CAPZB: variants seen among roughly 807,000 people sequenced by gnomAD.
CAPZB encodes the protein capping actin protein of muscle Z-line subunit beta.
CAPZB carries 2 observed loss-of-function variants against 38.1 expected under a neutral mutation model. The observed-to-expected ratio is 0.05, with a 90% CI of 0.02 to 0.17. The LOEUF is 0.17. Ranked by LOEUF, CAPZB falls within the 10% of genes least tolerant of loss-of-function variation. The probability of loss-of-function intolerance (pLI) is 1.00; values close to 1 mark genes in which losing one functional copy is unlikely to be tolerated. For synonymous variants in CAPZB, 107 were observed against 127.4 expected (o/e 0.84, Z 1.08); for missense variants, 161 against 334.2 (o/e 0.48, Z 4.04).
chr1:19,481,655 C>T (rs1455624189), intron 1 of CAPZB, among the ~76,000 whole-genome samples: 2 of 152,188 alleles, frequency 1.3e-5, no homozygotes, highest in African/African-American at 2.4e-5. Context: ...CATTTCGGGG[C>T]CCCAGAAAGC....
chr1:19,444,229 A>T (rs2094488838), intron 1 of CAPZB, among the ~76,000 whole-genome samples: 1 of 152,142 alleles, frequency 6.6e-6, no homozygotes, highest in African/African-American at 2.4e-5. Context: ...CCATAGAAAG[A>T]GGCAGGTGTG....
chr1:19,380,177 CTT>C (rs1475624705), intron 3 of CAPZB, among the ~76,000 whole-genome samples: 3 of 152,190 alleles, frequency 2.0e-5, no homozygotes, highest in Non-Finnish European at 4.4e-5. Context: ...CCGCAGGCAG[CTT>C]TCTCAGAGGC....
chr1:19,430,715 CGCACCCGCACCT>C (rs1192251815), intron 1 of CAPZB, among the ~76,000 whole-genome samples: 7 of 152,116 alleles, frequency 4.6e-5, no homozygotes, highest in Non-Finnish European at 8.8e-5. Flanking sequence ...GCCGCCCACC[CGCACCCGCACCT>C]GCACCCGCAC....
chr1:19,368,282 A>T (rs2094101026), intron 4 of CAPZB, among the ~76,000 whole-genome samples: 1 of 152,076 alleles, frequency 6.6e-6, no homozygotes, highest in African/African-American at 2.4e-5. Flanking sequence ...AGGCGGACAG[A>T]ACAGGGTCAG....
At chr1:19,432,042 CAAAAAAAAAA>C (rs10583269) in intron 1 of CAPZB, among the ~76,000 whole-genome samples, 2 of 122,558 alleles carry the variant, frequency 1.6e-5, no homozygotes, top group African/African-American at 3.2e-5. Flanking sequence ...GATCCTGTCT[CAAAAAAAAAA>C]AAAAAAAAAA....
chr1:19,384,538 C>G (rs1270521631), intron 3 of CAPZB, among the ~76,000 whole-genome samples: 2 of 152,222 alleles, frequency 1.3e-5, no homozygotes, highest in Non-Finnish European at 2.9e-5. Flanking sequence ...GTCAAAGTCC[C>G]ATTGACACAG....
chr1:19,426,489 G>A (rs2094423244), intron 1 of CAPZB, among the ~76,000 whole-genome samples: 2 of 152,076 alleles, frequency 1.3e-5, no homozygotes, highest in Admixed American at 6.5e-5. Context: ...AGGAGCTTTT[G>A]TAACTTTTTA....
chr1:19,428,905 C>T (rs2094432957), intron 1 of CAPZB, among the ~76,000 whole-genome samples: 2 of 152,178 alleles, frequency 1.3e-5, no homozygotes, highest in Non-Finnish European at 2.9e-5. Context: ...CATCCTCCTA[C>T]ATTCAACGCC....
chr1:19,392,753 A>C (rs1045676542), intron 2 of CAPZB, among the ~76,000 whole-genome samples: 23 of 152,152 alleles, frequency 1.5e-4, no homozygotes, highest in Non-Finnish European at 4.4e-5. Context: ...TTTGCACCAC[A>C]GTACTCCAGC....
At chr1:19,370,232 C>T (rs891278618) in intron 4 of CAPZB, among the ~76,000 whole-genome samples, 1 of 152,262 alleles carries the variant, frequency 6.6e-6, no homozygotes, top group Admixed American at 6.5e-5. Flanking sequence ...GCTCAGGGCA[C>T]TGTCCTTGTC....
chr1:19,416,132 C>T (rs1401124703), intron 2 of CAPZB, among the ~76,000 whole-genome samples: 2 of 152,180 alleles, frequency 1.3e-5, no homozygotes, highest in Non-Finnish European at 2.9e-5. Context: ...GGCCTGGTTC[C>T]GAGAAGGGTT....
rs1482892218 is a variant in CAPZB at position 19,393,961 on chromosome 1, C to T, written c.94-8335G>A. Among the ~76,000 whole-genome samples the T allele has an allele frequency of 2.6e-5, 4 of 152,216 alleles. No individual in the cohort carries two copies. The East Asian group carries it at 5.8e-4, about 22-fold the overall frequency. ...GGACACTTCCAGGTCCAGCCTCTCT[C>T]CTCTTTAAGAAGTCACTTGGCGCTG... On this transcript the variant is annotated intron_variant, in intron 2 of 8. Transcript: ENST00000264202.
At chr1:19,478,078 G>C (rs2094613279) in intron 1 of CAPZB, among the ~76,000 whole-genome samples, 1 of 152,210 alleles carries the variant, frequency 6.6e-6, no homozygotes, top group South Asian at 2.1e-4. Context: ...AGAAGTGCGG[G>C]GTCTGAGCCA....
intron 1 of CAPZB, among the ~76,000 whole-genome samples, chr1:19,458,989 A>T (rs2094541927): frequency 6.6e-6 from 1 of 152,256 alleles, no homozygotes; most frequent in Admixed American, 6.5e-5. Context: ...CAGGTCAGGA[A>T]AGCCAGCAGG....
rs190909778 is a variant in CAPZB at position 19,470,426 on chromosome 1, C to T, written c.3+15010G>A. Among the ~76,000 whole-genome samples the T allele has an allele frequency of 9.2e-5, 14 of 152,320 alleles. No individual in the cohort carries two copies. The East Asian group carries it at 2.7e-3, about 29-fold the overall frequency. ...TGAACTCAGGCCATTGGCATTCTGA[C>T]TGTTCGACCCAATTGCCACGAAGCT... On this transcript the variant is annotated intron_variant, in intron 1 of 8. Transcript: ENST00000264202.
chr1:19,449,783 C>CAA (rs66655807), intron 1 of CAPZB, among the ~76,000 whole-genome samples: 1,986 of 87,774 alleles, frequency 0.023, 49 homozygotes, highest in African/African-American at 0.072. Flanking sequence ...GAGTCTGTCT[C>CAA]AAAAAAAAAA....
intron 2 of CAPZB, among the ~76,000 whole-genome samples, chr1:19,410,183 G>A (rs2094351172): frequency 6.6e-6 from 1 of 152,152 alleles, no homozygotes; most frequent in African/African-American, 2.4e-5. Context: ...TTGCCTCTTA[G>A]GTGACTGCCT....
At chr1:19,404,509 A>C (rs2094320616) in intron 2 of CAPZB, among the ~76,000 whole-genome samples, 2 of 147,098 alleles carry the variant, frequency 1.4e-5, no homozygotes, top group Admixed American at 1.4e-4. Context: ...ACGCCACTGT[A>C]CTCCAGCCTG....
intron 1 of CAPZB, among the ~76,000 whole-genome samples, chr1:19,468,886 GA>G (rs1378455012): frequency 6.6e-6 from 1 of 152,098 alleles, no homozygotes; most frequent in Non-Finnish European, 1.5e-5. Flanking sequence ...GGTCCCCTGG[GA>G]CCCGTGCCTT....
Sources: gnomAD v4.1 joint callset for allele counts (sites outside exome capture counted in the v4.1 genomes callset) on GRCh38, gnomAD v4.1.1 for gene constraint, MANE v1.5 for transcripts, NCBI Gene and HGNC (gene_info 2026-07-23, HGNC 2026-07-21) for gene names.